The following ATP9B variants were observed in gnomAD, a reference collection of about 807,000 sequenced individuals.
ATP9B encodes probable phospholipid-transporting ATPase IIB.
Under a neutral mutation model 146.1 loss-of-function variants are expected in ATP9B, and 110 were observed. The ratio of observed to expected loss-of-function variants is 0.75; its 90% CI spans 0.65 to 0.88. ATP9B has a LOEUF of 0.88. ATP9B is among the 40% of genes least tolerant of loss of function. The pLI is 0.00. For missense variants in ATP9B, 1,499 were observed against 1,496.4 expected (o/e 1.00, Z -0.03); for synonymous variants, 604 against 569.7 (o/e 1.06, Z -0.86).
At position 79,111,377 on chromosome 18, in the gene ATP9B, A is replaced by G. The variant is rs1221038745; in HGVS notation, c.444+872A>G. Among the ~76,000 whole-genome samples, 3 of 152,062 alleles carry G rather than the reference A, an allele frequency of 2.0e-5. No homozygotes were observed. In the East Asian group the frequency reaches 5.8e-4, roughly 29 times the overall value. On this transcript the variant is annotated intron_variant, in intron 3 of 29. Coordinates refer to ENST00000426216, the MANE Select transcript of ATP9B (RefSeq NM_198531.5). Reference sequence around the variant, plus strand: ...TAATCATGCTGACATTGTATTTGGCATTGATTTTACTCCCACCCCCACCTC... The same window carrying G: ...TAATCATGCTGACATTGTATTTGGCGTTGATTTTACTCCCACCCCCACCTC...
chr18:79,323,125 G>A (rs901333122), intron 15 of ATP9B, among the ~76,000 whole-genome samples: 15 of 151,512 alleles, frequency 9.9e-5, no homozygotes, highest in African/African-American at 3.6e-4. Context: ...TCGTTGCTTC[G>A]CGTTAGTAAT....
At chr18:79,143,336 G>A (rs1168697061) in intron 5 of ATP9B, among the ~76,000 whole-genome samples, 1 of 152,154 alleles carries the variant, frequency 6.6e-6, no homozygotes, top group African/African-American at 2.4e-5. Context: ...CTCTTCTCCT[G>A]TGTTGGTAAA....
chr18:79,246,500 C>A (rs1599250607), intron 11 of ATP9B, among the ~76,000 whole-genome samples: 1 of 152,220 alleles, frequency 6.6e-6, no homozygotes, highest in East Asian at 1.9e-4. Flanking sequence ...CCTTCCTACC[C>A]CCCATAATCC....
chr18:79,098,024 C>G (rs2074946585), intron 2 of ATP9B, among the ~76,000 whole-genome samples: 2 of 152,100 alleles, frequency 1.3e-5, no homozygotes, highest in South Asian at 4.1e-4. Flanking sequence ...CAGCATGGTA[C>G]TTGTACCAAA....
In ATP9B at chr18:79,273,569, T is replaced by C. The variant is rs1480899211; in HGVS notation, c.1269-3485T>C. 3.3e-5 allele frequency among the ~76,000 whole-genome samples: 5 copies of C among 152,206 alleles called. No individual in the cohort carries two copies. The East Asian group carries it at 9.6e-4, about 29-fold the overall frequency. On this transcript the variant is annotated intron_variant, in intron 12 of 29. Coordinates refer to ENST00000426216, the MANE Select transcript of ATP9B (RefSeq NM_198531.5). Reference sequence around the variant, plus strand: ...GTCTGACAGAGGAACGCATGTGAATTATTTCAGGTAGTTTCATTCCCTGAG... The same window carrying C: ...GTCTGACAGAGGAACGCATGTGAATCATTTCAGGTAGTTTCATTCCCTGAG...
chr18:79,332,119 G>A (rs1315573906), intron 17 of ATP9B, among the ~76,000 whole-genome samples: 3 of 152,190 alleles, frequency 2.0e-5, no homozygotes, highest in Non-Finnish European at 2.9e-5. Context: ...GTAACTTAGA[G>A]CAAAGAAAGT....
At chr18:79,069,716 G>A (rs1340182784) in intron 1 of ATP9B, among the ~76,000 whole-genome samples, 187 bp downstream of exon 1, 1 of 152,194 alleles carries the variant, frequency 6.6e-6, no homozygotes, top group Non-Finnish European at 1.5e-5. Context: ...TGAGGGCCGC[G>A]GGCAGCTGCC....
chr18:79,372,916 ATT>A (rs1568863657), intron 27 of ATP9B, 34 bp downstream of exon 27: 1 of 1,464,724 alleles, frequency 6.8e-7, no homozygotes, highest in Non-Finnish European at 9.5e-7. Context: ...TGGACTAAAG[ATT>A]TTTTTATTTT....
At chr18:79,314,762 G>C (rs941192884) in intron 15 of ATP9B, among the ~76,000 whole-genome samples, 2 of 152,222 alleles carry the variant, frequency 1.3e-5, no homozygotes, top group Non-Finnish European at 2.9e-5. Context: ...ATGCTCTCTG[G>C]AAGTTCCCTC....
At chr18:79,316,076 T>C (rs1008248015) in intron 15 of ATP9B, among the ~76,000 whole-genome samples, 2 of 152,196 alleles carry the variant, frequency 1.3e-5, no homozygotes, top group Non-Finnish European at 2.9e-5. Flanking sequence ...GTTAATTCCA[T>C]ATTAATATAG....
At chr18:79,096,671 A>G in intron 2 of ATP9B, 22 bp downstream of exon 2, 1 of 1,586,570 alleles carries the variant, frequency 6.3e-7, no homozygotes, top group Non-Finnish European at 8.6e-7. Context: ...ATTGCTACCT[A>G]ATTTCCTTAT....
chr18:79,321,197 C>T (rs2096713909), intron 15 of ATP9B, among the ~76,000 whole-genome samples: 1 of 152,202 alleles, frequency 6.6e-6, no homozygotes, highest in Non-Finnish European at 1.5e-5. Context: ...GATATGAAAG[C>T]TCAAAACCAA....
At chr18:79,344,984 G>A (rs2096878538) in intron 21 of ATP9B, among the ~76,000 whole-genome samples, 1 of 152,154 alleles carries the variant, frequency 6.6e-6, no homozygotes. Context: ...CAGGCTCCTG[G>A]GCTTAATCGT....
chr18:79,122,278 C>G (rs1356127076), intron 4 of ATP9B, among the ~76,000 whole-genome samples: 1 of 152,086 alleles, frequency 6.6e-6, no homozygotes, highest in African/African-American at 2.4e-5. Flanking sequence ...TAAGAAGTTA[C>G]CTCTGCATCA....
intron 11 of ATP9B, among the ~76,000 whole-genome samples, chr18:79,242,252 T>C (rs2095896569): frequency 6.6e-6 from 1 of 152,236 alleles, no homozygotes; most frequent in South Asian, 2.1e-4. Flanking sequence ...TAATCCTCTT[T>C]CGTAAACTGA....
chr18:79,078,273 T>C (rs916541452), intron 1 of ATP9B: 1 of 152,222 alleles, frequency 6.6e-6, no homozygotes, highest in African/African-American at 2.4e-5. Flanking sequence ...AGACCAGACT[T>C]TTCTTGGGGA....
Position 79,329,160 on chromosome 18 carries a change from C to T in ATP9B, c.1793C>T (p.Thr598Ile), listed in dbSNP as rs1224971401. 5 of 1,605,224 alleles carry T rather than the reference C, an allele frequency of 3.1e-6. No homozygotes were observed. The highest frequency in any genetic ancestry group is 4.2e-6 in the Non-Finnish European group (5 of 1,176,786). The change falls in exon 16 of 30, where the codon ACA (threonine) becomes ATA (isoleucine). Residue 598 changes from threonine (T) to isoleucine (I), a missense_variant. Coordinates refer to ENST00000426216, the MANE Select transcript of ATP9B (RefSeq NM_198531.5). ...SPDEVALVQWTESVGLTLVSR... is the reference protein window; with the variant it reads ...SPDEVALVQWIESVGLTLVSR... ...CCGTAGGTCGCTCTGGTGCAGTGGACAGAGAGTGTGGGCCTCACGCTGGTC... is the reference window on the plus strand; with the variant it reads ...CCGTAGGTCGCTCTGGTGCAGTGGATAGAGAGTGTGGGCCTCACGCTGGTC...
Position 79,378,282 on chromosome 18 carries a change from A to C in ATP9B, c.*899A>C, listed in dbSNP as rs1418247329. On this transcript the variant is annotated 3_prime_UTR_variant, in exon 30 of 30. Transcript: ENST00000426216. ...AGTCAAGTTACTGAGTTCTCACATA[A>C]AGAGCTCTTCTCACACACTCTAAAG... 2 of 152,220 alleles carry C rather than the reference A, an allele frequency of 1.3e-5. No individual in the cohort carries two copies. The highest frequency in any genetic ancestry group is 1.3e-4 in the Admixed American group (2 of 15,280). 9.4% of individuals were successfully genotyped at this position (152,220 alleles called of 1,614,324 possible).
At chr18:79,365,684 G>A (rs1217703988) in intron 26 of ATP9B, among the ~76,000 whole-genome samples, 5 of 151,396 alleles carry the variant, frequency 3.3e-5, no homozygotes, top group African/African-American at 9.7e-5. Flanking sequence ...CTCCGTGGAC[G>A]GGGACAGCTC....
Sources: allele counts gnomAD v4.1 joint callset (sites outside exome capture counted in the v4.1 genomes callset), GRCh38; gene constraint gnomAD v4.1.1; transcripts MANE v1.5; gene names NCBI Gene and HGNC (gene_info 2026-07-23, HGNC 2026-07-21).